The following LSAMP variants were observed in gnomAD, a reference collection of about 807,000 sequenced individuals.
LSAMP encodes limbic system-associated membrane protein.
LSAMP carries 7 observed loss-of-function variants against 38.6 expected under a neutral mutation model. The ratio of observed to expected loss-of-function variants is 0.18; its 90% CI spans 0.10 to 0.34. The LOEUF (loss-of-function observed/expected upper bound fraction) is 0.34. Among genes scored for constraint, LSAMP ranks in the 10% least tolerant of loss-of-function variants. The pLI is 1.00. For synonymous variants in LSAMP, 154 were observed against 166.8 expected (o/e 0.92, Z 0.59); for missense variants, 313 against 420.0 (o/e 0.75, Z 2.23).
intron 3 of LSAMP, among the ~76,000 whole-genome samples, chr3:115,894,238 G>T (rs1420397746): frequency 2.0e-5 from 3 of 152,002 alleles, no homozygotes; most frequent in African/African-American, 4.8e-5. Flanking sequence ...TTGTCAAATA[G>T]AGCTTTAACA....
chr3:116,239,664 A>G (rs976883409), intron 1 of LSAMP, among the ~76,000 whole-genome samples: 13 of 152,182 alleles, frequency 8.5e-5, no homozygotes, highest in African/African-American at 3.1e-4. Flanking sequence ...TGGGTCTTTT[A>G]AAAATAGTGA....
At position 116,208,713 on chromosome 3, in the gene LSAMP, GGGGGTCA is replaced by G. The variant is rs559515796; in HGVS notation, c.156-122164_156-122158del. Among the ~76,000 whole-genome samples, 4 of 147,028 alleles carry G rather than the reference GGGGGTCA, an allele frequency of 2.7e-5. No homozygotes were observed. The South Asian group carries it at 9.3e-4, about 34-fold the overall frequency. ...GGGGTGCCTCCCAGTTAGGCTGCTCGGGGGTCAGGGGTCAGGGACCCACTTGAGGAGG... is the reference window on the plus strand; with the variant it reads ...GGGGTGCCTCCCAGTTAGGCTGCTCGGGGGTCAGGGACCCACTTGAGGAGG... On this transcript the variant is annotated intron_variant, in intron 1 of 6. Coordinates refer to ENST00000490035, the MANE Select transcript of LSAMP (RefSeq NM_002338.5).
At chr3:115,918,636 T>C (rs1314143142) in intron 3 of LSAMP, among the ~76,000 whole-genome samples, 1 of 151,706 alleles carries the variant, frequency 6.6e-6, no homozygotes, top group East Asian at 1.9e-4. Flanking sequence ...CAACTCTCAG[T>C]GGCTGCTTTG....
chr3:116,273,683 C>CAGATATAT (rs150705226), intron 1 of LSAMP, among the ~76,000 whole-genome samples: 11,430 of 49,898 alleles, frequency 0.23, 1,471 homozygotes, highest in Non-Finnish European at 0.27. Flanking sequence ...GAGAAAGAGG[C>CAGATATAT]ATATATATAT....
intron 2 of LSAMP, among the ~76,000 whole-genome samples, chr3:116,038,407 A>G (rs960133678): frequency 8.5e-5 from 13 of 152,196 alleles, no homozygotes; most frequent in African/African-American, 2.9e-4. Context: ...GAATAAATGT[A>G]TCAGTGAAGG....
intron 1 of LSAMP, among the ~76,000 whole-genome samples, chr3:116,434,145 C>G (rs2049316050): frequency 6.6e-6 from 1 of 152,168 alleles, no homozygotes; most frequent in Non-Finnish European, 1.5e-5. Context: ...CACAATTACT[C>G]CAGTGGTGGC....
chr3:115,845,481 G>A (rs887440503), intron 4 of LSAMP, among the ~76,000 whole-genome samples: 2 of 152,172 alleles, frequency 1.3e-5, no homozygotes, highest in Admixed American at 1.3e-4. Context: ...TTTTCTGATT[G>A]AAAAATTTGG....
chr3:115,825,260 C>T (rs1203972053), intron 6 of LSAMP, among the ~76,000 whole-genome samples: 5 of 152,288 alleles, frequency 3.3e-5, no homozygotes, highest in Admixed American at 1.3e-4. Flanking sequence ...GCACTAACTA[C>T]CGCAGTGCAG....
chr3:115,954,428 T>C (rs1281467135), intron 3 of LSAMP, among the ~76,000 whole-genome samples: 1 of 152,170 alleles, frequency 6.6e-6, no homozygotes, highest in Non-Finnish European at 1.5e-5. Context: ...GATACTACCA[T>C]AGGGAGCAAG....
chr3:116,445,107 A>G lies in LSAMP; in HGVS notation c.-76T>C. On this transcript the variant is annotated 5_prime_UTR_variant, in exon 1 of 7. Transcript: ENST00000490035. ...CTGCTCGCGAGGAGAGGCTTCACCA[A>G]CACGGGGCTTTCATCCACAGCGAGC... 2.1e-6 allele frequency: 3 copies of G among 1,452,012 alleles called. No individual in the cohort carries two copies. Among genetic ancestry groups the G allele is most frequent in the Non-Finnish European group, 2.8e-6 (3 of 1,069,052 alleles). The allele number at this position is 1,452,012 out of a possible 1,614,324, so 89.9% of individuals were successfully genotyped here. A position where few individuals can be genotyped will look rare whatever the true frequency, so the allele number is the denominator to read the frequency against.
intron 1 of LSAMP, among the ~76,000 whole-genome samples, chr3:116,107,605 A>G (rs9818490): frequency 2.0e-5 from 3 of 152,052 alleles, no homozygotes; most frequent in African/African-American, 7.3e-5. Context: ...TGTGTTTTTA[A>G]GAGAATTATG....
chr3:115,999,854 C>T (rs1256895136), intron 3 of LSAMP, among the ~76,000 whole-genome samples: 1 of 152,154 alleles, frequency 6.6e-6, no homozygotes, highest in Non-Finnish European at 1.5e-5. Flanking sequence ...CAGTTGGAGA[C>T]TGGCCCCTGC....
intron 1 of LSAMP, among the ~76,000 whole-genome samples, chr3:116,414,896 C>T (rs2049029023): frequency 6.6e-6 from 1 of 152,178 alleles, no homozygotes; most frequent in African/African-American, 2.4e-5. Context: ...CCTACAGGCC[C>T]TTCACTCTGC....
chr3:115,989,223 G>T (rs1939598588), intron 3 of LSAMP, among the ~76,000 whole-genome samples: 1 of 152,070 alleles, frequency 6.6e-6, no homozygotes, highest in African/African-American at 2.4e-5. Context: ...GAAAATAAAT[G>T]CTAACCACAT....
chr3:115,858,164 T>A (rs200898114), intron 3 of LSAMP, among the ~76,000 whole-genome samples: 2,031 of 142,048 alleles, frequency 0.014, 20 homozygotes, highest in African/African-American at 0.024. Flanking sequence ...TCTCTCTCTC[T>A]CACACACACA....
At chr3:116,104,786 G>A (rs1265135396) in intron 1 of LSAMP, among the ~76,000 whole-genome samples, 1 of 151,466 alleles carries the variant, frequency 6.6e-6, no homozygotes, top group Non-Finnish European at 1.5e-5. Context: ...ACCTTTTTAA[G>A]AGGTGGTGCT....
intron 1 of LSAMP, among the ~76,000 whole-genome samples, chr3:116,343,715 T>G (rs369487810): frequency 1.7e-3 from 242 of 146,002 alleles, no homozygotes; most frequent in African/African-American, 6.1e-3. Context: ...CATAAATTTC[T>G]TCATCTTCAA....
intron 1 of LSAMP, among the ~76,000 whole-genome samples, chr3:116,345,042 A>G (rs905022265): frequency 5.9e-4 from 90 of 152,286 alleles, no homozygotes; most frequent in African/African-American, 2.0e-3. Flanking sequence ...GCACATATTT[A>G]TTGAACACAT....
intron 1 of LSAMP, among the ~76,000 whole-genome samples, chr3:116,203,589 C>T (rs968723913): frequency 4.2e-5 from 6 of 142,972 alleles, no homozygotes; most frequent in Non-Finnish European, 7.5e-5. Context: ...GTGATATTCC[C>T]CTTCCTGTGT....
Sources: allele counts gnomAD v4.1 joint callset (sites outside exome capture counted in the v4.1 genomes callset), GRCh38; gene constraint gnomAD v4.1.1; transcripts MANE v1.5; gene names NCBI Gene and HGNC (gene_info 2026-07-23, HGNC 2026-07-21).